Variants in FOCAD observed in about 807,000 individuals in gnomAD.
FOCAD encodes focadhesin.
In FOCAD, 198 loss-of-function variants were observed where a neutral mutation model predicts 225.6. That is an observed-to-expected ratio of 0.88 (90% CI 0.78 to 0.99). The LOEUF is 0.99. FOCAD is among the 50% of genes least tolerant of loss of function. The pLI is 0.00. For synonymous variants in FOCAD, 897 were observed against 755.0 expected (o/e 1.19, Z -3.08); for missense variants, 2,713 against 2,123.6 (o/e 1.28, Z -5.46).
At chr9:20,880,601 G>A (rs968079967) in intron 19 of FOCAD, among the ~76,000 whole-genome samples, 7 of 152,116 alleles carry the variant, frequency 4.6e-5, no homozygotes, top group African/African-American at 1.4e-4. Flanking sequence ...AATGGAAAAC[G>A]TCACATATTG....
chr9:20,726,611 T>A (rs553551674), intron 4 of FOCAD, among the ~76,000 whole-genome samples: 68 of 152,310 alleles, frequency 4.5e-4, no homozygotes, highest in South Asian at 1.2e-3. Context: ...ATATTAAAAA[T>A]TCTTGTAGTG....
intron 6 of FOCAD, among the ~76,000 whole-genome samples, chr9:20,761,824 T>A (rs1413047239): frequency 6.6e-6 from 1 of 152,194 alleles, no homozygotes; most frequent in Non-Finnish European, 1.5e-5. Flanking sequence ...ACATACATAA[T>A]TGGTTACATT....
intron 6 of FOCAD, among the ~76,000 whole-genome samples, chr9:20,760,198 C>T (rs74720107): frequency 6.2e-4 from 94 of 152,354 alleles, no homozygotes; most frequent in African/African-American, 2.1e-3. Flanking sequence ...GTCTCTGTGG[C>T]TGTGGTTTTC....
intron 2 of FOCAD, among the ~76,000 whole-genome samples, chr9:20,667,600 C>A (rs927953573): frequency 2.0e-5 from 3 of 152,142 alleles, no homozygotes; most frequent in Non-Finnish European, 2.9e-5. Flanking sequence ...AACATCCCTG[C>A]GAGGACAGAG....
intron 1 of FOCAD, among the ~76,000 whole-genome samples, chr9:20,705,021 T>C (rs1362220990): frequency 6.6e-6 from 1 of 152,220 alleles, no homozygotes; most frequent in Non-Finnish European, 1.5e-5. Flanking sequence ...TTCTGTCACT[T>C]ACTCTGTGAC....
At chr9:20,947,790 G>T (rs1351389370) in intron 30 of FOCAD, among the ~76,000 whole-genome samples, 1 of 152,068 alleles carries the variant, frequency 6.6e-6, no homozygotes, top group South Asian at 2.1e-4. Flanking sequence ...AGAATTCATT[G>T]GTTTTAAGCT....
chr9:20,959,800 C>G (rs1416548478), intron 35 of FOCAD, among the ~76,000 whole-genome samples: 1 of 152,080 alleles, frequency 6.6e-6, no homozygotes, highest in Non-Finnish European at 1.5e-5. Context: ...GTCCTTTCCC[C>G]ACTGAGTGTT....
chr9:20,857,642 T>C (rs1828319113), intron 15 of FOCAD, among the ~76,000 whole-genome samples: 1 of 151,956 alleles, frequency 6.6e-6, no homozygotes, highest in Non-Finnish European at 1.5e-5. Flanking sequence ...ATGGTGAATG[T>C]GGGTATTCTT....
chr9:20,895,729 T>C (rs1407649296), intron 21 of FOCAD, among the ~76,000 whole-genome samples: 2 of 151,932 alleles, frequency 1.3e-5, no homozygotes, highest in Non-Finnish European at 2.9e-5. Context: ...CCTTGTATCT[T>C]GCAATTTTGC....
At chr9:20,982,554 T>C (rs561499938) in intron 39 of FOCAD, 108 bp downstream of exon 39, 410 of 838,224 alleles carry the variant, frequency 4.9e-4, no homozygotes, top group Non-Finnish European at 7.7e-4. Flanking sequence ...TTTTTGTTAT[T>C]GGTTAATTTC....
At chr9:20,962,975 A>T (rs1011306353) in intron 35 of FOCAD, among the ~76,000 whole-genome samples, 4 of 152,218 alleles carry the variant, frequency 2.6e-5, no homozygotes, top group African/African-American at 9.6e-5. Flanking sequence ...GAACTAGTTC[A>T]CTGTGTTCTC....
intron 28 of FOCAD, among the ~76,000 whole-genome samples, chr9:20,938,474 G>C (rs953499536): frequency 4.0e-5 from 6 of 151,756 alleles, no homozygotes; most frequent in Non-Finnish European, 7.4e-5. Context: ...GCAAACTGTC[G>C]CAAGGACAAA....
chr9:20,725,132 A>G (rs1826084856), intron 4 of FOCAD, among the ~76,000 whole-genome samples: 2 of 152,234 alleles, frequency 1.3e-5, no homozygotes, highest in African/African-American at 4.8e-5. Context: ...AGATCGCACT[A>G]CTGCACTCCA....
intron 1 of FOCAD, among the ~76,000 whole-genome samples, chr9:20,701,394 C>G (rs1823930607): frequency 6.6e-6 from 1 of 152,146 alleles, no homozygotes; most frequent in Non-Finnish European, 1.5e-5. Context: ...TTCCTGCCAG[C>G]TAAGTACTCA....
intron 11 of FOCAD, among the ~76,000 whole-genome samples, chr9:20,813,023 C>T (rs1055522553): frequency 1.3e-5 from 2 of 152,064 alleles, no homozygotes; most frequent in Admixed American, 6.6e-5. Flanking sequence ...TAGCTCCCCA[C>T]TTCTCCCTCC....
Position 20,926,376 on chromosome 9 carries a change from C to A in FOCAD, c.3037C>A (p.His1013Asn). 1.9e-6 allele frequency: 3 copies of A among 1,613,072 alleles called. No homozygotes were observed. Among genetic ancestry groups the A allele is most frequent in the Non-Finnish European group, 2.5e-6 (3 of 1,179,170 alleles). ...LDTLLVIVDS[H>N]YQPRGQLLSW... ...TACACTCTTGGTCATTGTGGATAGC[C>A]ATTACCAACCCAGAGGGCAACTTCT... Residue 1013 changes from histidine to asparagine, a missense_variant, in exon 26 of 44, where the codon CAT (histidine) becomes AAT (asparagine). By Grantham distance (68) the His-to-Asn change is moderately conservative (BLOSUM62 1). Transcript: ENST00000338382.
intron 18 of FOCAD, among the ~76,000 whole-genome samples, chr9:20,871,922 T>TAAAATA (rs1564095432): frequency 2.0e-5 from 3 of 147,218 alleles, no homozygotes; most frequent in African/African-American, 7.5e-5. Context: ...AATAATAAAA[T>TAAAATA]AAAAAAAATT....
chr9:20,958,890 T>C (rs1008515022), intron 35 of FOCAD, among the ~76,000 whole-genome samples: 1 of 152,190 alleles, frequency 6.6e-6, no homozygotes, highest in Non-Finnish European at 1.5e-5. Flanking sequence ...GAGGGCTTAA[T>C]AGTATTCCAT....
intron 11 of FOCAD, among the ~76,000 whole-genome samples, chr9:20,795,866 G>A (rs1345917617): frequency 6.6e-6 from 1 of 150,492 alleles, no homozygotes; most frequent in Non-Finnish European, 1.5e-5. Flanking sequence ...AAGTTTTAGG[G>A]TTCATGTGCA....
Sources: allele counts gnomAD v4.1 joint callset (sites outside exome capture counted in the v4.1 genomes callset), GRCh38; gene constraint gnomAD v4.1.1; transcripts MANE v1.5; gene names NCBI Gene and HGNC (gene_info 2026-07-23, HGNC 2026-07-21).